The following CPED1 variants were observed in gnomAD, a reference collection of about 807,000 sequenced individuals.
CPED1 encodes the protein cadherin-like and PC-esterase domain-containing protein 1.
A neutral mutation model predicts 128.2 loss-of-function variants in CPED1; 114 were observed. The ratio of observed to expected loss-of-function variants is 0.89; its 90% CI spans 0.76 to 1.04. CPED1 has a LOEUF of 1.04. CPED1 is among the 50% of genes least tolerant of loss of function. CPED1 has a pLI of 0.00. For missense variants in CPED1, 1,211 were observed against 1,207.1 expected (o/e 1.00, Z -0.05); for synonymous variants, 462 against 426.7 (o/e 1.08, Z -1.02).
chr7:121,211,493 C>G (rs1414285238), intron 16 of CPED1, among the ~76,000 whole-genome samples: 2 of 148,536 alleles, frequency 1.3e-5, no homozygotes, highest in African/African-American at 5.0e-5. Flanking sequence ...GAAACACAGC[C>G]AGGCCTCTGT....
chr7:121,073,229 A>T (rs1377397918), intron 5 of CPED1, among the ~76,000 whole-genome samples: 1 of 152,214 alleles, frequency 6.6e-6, no homozygotes, highest in Non-Finnish European at 1.5e-5. Context: ...TTATTAAGAA[A>T]ACCATAAGGA....
At chr7:121,016,765 T>G (rs1272558147) in intron 3 of CPED1, among the ~76,000 whole-genome samples, 1 of 152,216 alleles carries the variant, frequency 6.6e-6, no homozygotes, top group African/African-American at 2.4e-5. Context: ...GAACCCTCAT[T>G]CAGAATAAGC....
At chr7:121,126,971 C>A in intron 9 of CPED1, 119 bp from the exon 10 acceptor site, 1 of 640,438 alleles carries the variant, frequency 1.6e-6, no homozygotes, top group East Asian at 3.0e-5. Context: ...CCAAAAAGAC[C>A]ACTAGATGTC....
intron 16 of CPED1, among the ~76,000 whole-genome samples, chr7:121,225,384 G>A (rs1797981335): frequency 6.6e-6 from 1 of 152,058 alleles, no homozygotes; most frequent in South Asian, 2.1e-4. Context: ...TGGGTAACCT[G>A]ACCTTTCTCT....
chr7:121,101,726 G>A (rs1249460878), intron 7 of CPED1, among the ~76,000 whole-genome samples: 1 of 152,052 alleles, frequency 6.6e-6, no homozygotes, highest in Non-Finnish European at 1.5e-5. Flanking sequence ...TCCACTGATG[G>A]TGGAAGGCAA....
At chr7:121,200,663 A>G (rs1472666039) in intron 16 of CPED1, among the ~76,000 whole-genome samples, 1 of 152,140 alleles carries the variant, frequency 6.6e-6, no homozygotes, top group African/African-American at 2.4e-5. Flanking sequence ...TTTAAAAAAG[A>G]AAGAGTCTTA....
intron 16 of CPED1, among the ~76,000 whole-genome samples, chr7:121,213,049 T>C (rs1464485009): frequency 6.6e-6 from 1 of 151,964 alleles, no homozygotes; most frequent in Non-Finnish European, 1.5e-5. Context: ...CTATAAGCAT[T>C]TTAAAGTGCA....
At chr7:121,224,730 T>C (rs2116631650) in intron 16 of CPED1, among the ~76,000 whole-genome samples, 1 of 151,450 alleles carries the variant, frequency 6.6e-6, no homozygotes, top group South Asian at 2.1e-4. Context: ...TGTTTGTCCC[T>C]TTTGATCTTT....
intron 16 of CPED1, among the ~76,000 whole-genome samples, chr7:121,192,906 T>C (rs1348252842): frequency 6.6e-6 from 1 of 152,194 alleles, no homozygotes; most frequent in Non-Finnish European, 1.5e-5. Flanking sequence ...CCACTGACTT[T>C]CTGACAATTT....
At position 120,999,564 on chromosome 7, in the gene CPED1, A is replaced by G. The variant is rs545496525; in HGVS notation, c.249+9694A>G. 5.9e-5 allele frequency among the ~76,000 whole-genome samples: 9 copies of G among 152,210 alleles called. No homozygotes were observed. In the East Asian group the frequency reaches 1.4e-3, roughly 23 times the overall value. The stretch of plus-strand genomic sequence containing the variant: ...TAAAATTGAGCCATTCCTTTTATAA[A>G]TTTTTATATTGTAACTGGATTGGAA... On this transcript the variant is annotated intron_variant, in intron 2 of 22. Transcript: ENST00000310396.
At chr7:121,051,528 A>G in intron 4 of CPED1, 1 of 428,336 alleles carries the variant, frequency 2.3e-6, no homozygotes, top group Non-Finnish European at 4.4e-6. Context: ...CTATAAAACA[A>G]AGCATATTAA....
At chr7:121,167,428 T>C (rs961156179) in intron 16 of CPED1, among the ~76,000 whole-genome samples, 1 of 152,218 alleles carries the variant, frequency 6.6e-6, no homozygotes, top group Non-Finnish European at 1.5e-5. Context: ...CAACCAAGAT[T>C]GAATCCTTCA....
intron 18 of CPED1, among the ~76,000 whole-genome samples, chr7:121,256,141 A>AAAAAAAAC (rs1791866950): frequency 7.0e-6 from 1 of 143,494 alleles, no homozygotes; most frequent in African/African-American, 2.6e-5. Flanking sequence ...AAAAAAAAAA[A>AAAAAAAAC]CAAAGCTTAT....
intron 2 of CPED1, among the ~76,000 whole-genome samples, chr7:121,001,751 G>T (rs1791866308): frequency 6.6e-6 from 1 of 152,068 alleles, no homozygotes; most frequent in Non-Finnish European, 1.5e-5. Flanking sequence ...TTTCCATAAT[G>T]AAGAGTTGAG....
rs1297190274 is a variant in CPED1 at position 121,127,117 on chromosome 7, T to TATG, written c.1165_1167dup (p.Asp389dup). 1.3e-6 allele frequency: 2 copies of TATG among 1,597,318 alleles called. No individual in the cohort carries two copies. The highest frequency in any genetic ancestry group is 8.5e-7 in the Non-Finnish European group (1 of 1,173,166). On this transcript the variant is annotated inframe_insertion, in exon 10 of 23. Coordinates refer to ENST00000310396, the MANE Select transcript of CPED1 (RefSeq NM_024913.5). ...ACACGAGCATTTAAATTTTCAAGAT[T>TATG]ATGATAATATGGATTTTGAGGACCA...
intron 3 of CPED1, among the ~76,000 whole-genome samples, chr7:121,023,494 A>G (rs556758949): frequency 6.6e-6 from 1 of 152,236 alleles, no homozygotes; most frequent in African/African-American, 2.4e-5. Flanking sequence ...CTTTTTTACA[A>G]CTCTACAGTT....
chr7:121,022,522 A>T (rs1475075450), intron 3 of CPED1, among the ~76,000 whole-genome samples: 1 of 151,892 alleles, frequency 6.6e-6, no homozygotes, highest in African/African-American at 2.4e-5. Flanking sequence ...GTTTCTTTCT[A>T]TACATATTCA....
chr7:121,208,583 G>T (rs1797572941), intron 16 of CPED1, among the ~76,000 whole-genome samples: 1 of 151,984 alleles, frequency 6.6e-6, no homozygotes, highest in South Asian at 2.1e-4. Context: ...TCACAAAGAT[G>T]GTGAATGGTA....
chr7:121,127,491 C>T (rs1445524577), intron 10 of CPED1, among the ~76,000 whole-genome samples: 1 of 151,198 alleles, frequency 6.6e-6, no homozygotes, highest in Non-Finnish European at 1.5e-5. Flanking sequence ...GTATAGTGTT[C>T]ATAATTTCTT....
Sources: gnomAD v4.1 joint callset for allele counts (sites outside exome capture counted in the v4.1 genomes callset) on GRCh38, gnomAD v4.1.1 for gene constraint, MANE v1.5 for transcripts, NCBI Gene and HGNC (gene_info 2026-07-23, HGNC 2026-07-21) for gene names.